CREB5: variants seen among roughly 807,000 people sequenced by gnomAD.
CREB5 encodes the protein cyclic AMP-responsive element-binding protein 5.
CREB5 carries 19 observed loss-of-function variants against 57.1 expected under a neutral mutation model. The ratio of observed to expected loss-of-function variants is 0.33; its 90% CI spans 0.23 to 0.49. The LOEUF (loss-of-function observed/expected upper bound fraction) is 0.49, where lower values mean the gene tolerates loss of function less well. CREB5 is among the 20% of genes least tolerant of loss of function. The probability of loss-of-function intolerance (pLI) is 0.99; values close to 1 mark genes in which losing one functional copy is unlikely to be tolerated. For missense variants in CREB5, 579 were observed against 671.6 expected (o/e 0.86, Z 1.52); for synonymous variants, 238 against 238.3 (o/e 1.00, Z 0.01).
chr7:28,321,220 C>CT (rs928300030), intron 1 of CREB5, among the ~76,000 whole-genome samples: 19 of 151,666 alleles, frequency 1.3e-4, no homozygotes, highest in South Asian at 6.3e-4. Context: ...TCTTCATCCT[C>CT]TTTTTTTTTG....
Position 28,554,866 on chromosome 7 carries a change from G to A in CREB5, c.292-15499G>A, listed in dbSNP as rs533427815. On this transcript the variant is annotated intron_variant, in intron 4 of 10. Transcript: ENST00000357727. ...ACATGAGCGAGTCAAGGAGGGAAGC[G>A]GACTTGGGGAGAGCTTGAATACAAG... Among the ~76,000 whole-genome samples the A allele has an allele frequency of 5.9e-5, 9 of 152,330 alleles. No homozygotes were observed. In the South Asian group the frequency reaches 6.2e-4, roughly 11 times the overall value.
At chr7:28,732,233 C>A (rs1803684816) in intron 7 of CREB5, among the ~76,000 whole-genome samples, 1 of 152,182 alleles carries the variant, frequency 6.6e-6, no homozygotes. Context: ...TTATTTCTTT[C>A]TCTTTCTGCC....
At chr7:28,479,029 A>T (rs1474413536) in intron 1 of CREB5, among the ~76,000 whole-genome samples, 1 of 152,144 alleles carries the variant, frequency 6.6e-6, no homozygotes, top group East Asian at 1.9e-4. Context: ...AGTTTTTCAG[A>T]GCTCTTGGGA....
At chr7:28,615,010 C>G (rs996004559) in intron 5 of CREB5, 1 of 152,196 alleles carries the variant, frequency 6.6e-6, no homozygotes, top group Admixed American at 6.5e-5. Flanking sequence ...TGAAAACACC[C>G]TTCGAATTTC....
At chr7:28,340,612 G>A (rs1233402804) in intron 1 of CREB5, among the ~76,000 whole-genome samples, 1 of 152,148 alleles carries the variant, frequency 6.6e-6, no homozygotes, top group Non-Finnish European at 1.5e-5. Context: ...GAGGGGTGGT[G>A]CAAGCACTTA....
intron 5 of CREB5, among the ~76,000 whole-genome samples, chr7:28,646,926 T>C (rs1173780899): frequency 6.6e-6 from 1 of 152,072 alleles, no homozygotes; most frequent in Non-Finnish European, 1.5e-5. Flanking sequence ...GCTTATTTCA[T>C]TGGCCGAAAA....
At chr7:28,803,603 A>G (rs1248603325) in intron 7 of CREB5, among the ~76,000 whole-genome samples, 1 of 151,994 alleles carries the variant, frequency 6.6e-6, no homozygotes, top group Non-Finnish European at 1.5e-5. Flanking sequence ...CTAAAAATAC[A>G]AAAATTAGCT....
chr7:28,500,892 A>G (rs77256895), intron 3 of CREB5, among the ~76,000 whole-genome samples: 2,909 of 152,216 alleles, frequency 0.019, 64 homozygotes, highest in Admixed American at 0.049. Flanking sequence ...TAGTAAAGGT[A>G]TATAGTAACT....
At chr7:28,352,227 C>T (rs936491141) in intron 1 of CREB5, among the ~76,000 whole-genome samples, 9 of 152,076 alleles carry the variant, frequency 5.9e-5, no homozygotes, top group African/African-American at 2.2e-4. Flanking sequence ...AGGAATTTAT[C>T]CTCCATAATG....
intron 1 of CREB5, among the ~76,000 whole-genome samples, chr7:28,313,930 T>C (rs1230461393): frequency 6.6e-6 from 1 of 152,162 alleles, no homozygotes; most frequent in Non-Finnish European, 1.5e-5. Flanking sequence ...AAATATATAA[T>C]TTTAATAGAA....
intron 1 of CREB5, among the ~76,000 whole-genome samples, chr7:28,446,291 G>A (rs1354126781): frequency 6.6e-6 from 1 of 150,480 alleles, no homozygotes; most frequent in Admixed American, 6.6e-5. Context: ...GAGCTAACTT[G>A]GTGGGATGAT....
At chr7:28,811,395 T>C (rs1809112619) in intron 9 of CREB5, among the ~76,000 whole-genome samples, 1 of 152,136 alleles carries the variant, frequency 6.6e-6, no homozygotes, top group Non-Finnish European at 1.5e-5. Flanking sequence ...TGGTTAAGCA[T>C]TTTTCTTTTT....
At chr7:28,433,143 A>G (rs1014050754) in intron 1 of CREB5, among the ~76,000 whole-genome samples, 35 of 152,194 alleles carry the variant, frequency 2.3e-4, no homozygotes, top group Non-Finnish European at 2.9e-5. Flanking sequence ...CATCTTGCAC[A>G]TAACCCTTTA....
chr7:28,436,472 T>C (rs1371663985), intron 1 of CREB5, among the ~76,000 whole-genome samples: 3 of 152,082 alleles, frequency 2.0e-5, no homozygotes, highest in African/African-American at 7.2e-5. Context: ...TATTATTCCT[T>C]TGGTTGGGTG....
intron 7 of CREB5, among the ~76,000 whole-genome samples, chr7:28,743,838 C>A (rs1257349885): frequency 2.6e-5 from 2 of 76,016 alleles, no homozygotes; most frequent in South Asian, 5.5e-4. Context: ...ATCTCCTTTT[C>A]TTTTTTTTTT....
intron 1 of CREB5, among the ~76,000 whole-genome samples, chr7:28,422,452 C>CT (rs1788309310): frequency 6.6e-6 from 1 of 152,142 alleles, no homozygotes; most frequent in South Asian, 2.1e-4. Context: ...TTGCTCCTGG[C>CT]TTTTTTTGGA....
chr7:28,497,020 A>G (rs1204002614), intron 3 of CREB5, among the ~76,000 whole-genome samples: 1 of 152,262 alleles, frequency 6.6e-6, no homozygotes, highest in African/African-American at 2.4e-5. Flanking sequence ...GCAAGGCTGT[A>G]GATTCTGCAA....
intron 7 of CREB5, among the ~76,000 whole-genome samples, chr7:28,732,843 G>GTTTGT (rs1554292909): frequency 1.4e-5 from 2 of 141,496 alleles, no homozygotes; most frequent in Admixed American, 7.1e-5. Context: ...GTTTAGGGTT[G>GTTTGT]TTTTTTTTTT....
intron 1 of CREB5, among the ~76,000 whole-genome samples, chr7:28,446,689 G>A (rs554700656): frequency 6.6e-6 from 1 of 152,322 alleles, no homozygotes; most frequent in East Asian, 1.9e-4. Flanking sequence ...CTACTTGGGA[G>A]GCTGAGGCAG....
Sources: gnomAD v4.1 joint callset for allele counts (sites outside exome capture counted in the v4.1 genomes callset) on GRCh38, gnomAD v4.1.1 for gene constraint, MANE v1.5 for transcripts, NCBI Gene and HGNC (gene_info 2026-07-23, HGNC 2026-07-21) for gene names.